Variants in RNF38 observed in about 807,000 individuals in gnomAD.
The protein encoded by RNF38 is ring finger protein 38.
Under a neutral mutation model 67.2 loss-of-function variants are expected in RNF38, and 15 were observed. The ratio of observed to expected loss-of-function variants is 0.22; its 90% CI spans 0.15 to 0.34. The LOEUF is 0.34. Among genes scored for constraint, RNF38 ranks in the 10% least tolerant of loss-of-function variants. The pLI is 1.00. For missense variants in RNF38, 524 were observed against 639.9 expected, an observed-to-expected ratio of 0.82 and a Z score of 1.95; for synonymous variants, 220 against 218.8, an observed-to-expected ratio of 1.01 and a Z score of -0.05.
intron 4 of RNF38, among the ~76,000 whole-genome samples, chr9:36,365,693 C>G (rs1440187102): frequency 1.0e-5 from 1 of 100,386 alleles, no homozygotes; most frequent in East Asian, 3.3e-4. Flanking sequence ...TGAGACGGAG[C>G]CTTGCTCTGT....
chr9:36,481,373 T>C (rs1176819303), intron 1 of RNF38, among the ~76,000 whole-genome samples: 5 of 152,170 alleles, frequency 3.3e-5, no homozygotes, highest in African/African-American at 1.2e-4. Context: ...ATCATTCTAC[T>C]CTTCCACCTG....
rs955176485 is a variant in RNF38, at chr9:36,337,482, C to A, written c.*2270G>T. On this transcript the variant is annotated 3_prime_UTR_variant, in exon 12 of 12. Transcript: ENST00000259605. ...AAGCTGCTACTCCTAGTCATTAGTA[C>A]AATGTGCTGTGTTAATTAGATACCT... 6.6e-6 allele frequency: 1 copy of A among 152,614 alleles called. No homozygotes were observed. The highest frequency in any genetic ancestry group is 2.4e-5 in the African/African-American group (1 of 41,422). 9.5% of individuals were successfully genotyped at this position (152,614 alleles called of 1,614,324 possible). A position where few individuals can be genotyped will look rare whatever the true frequency, so the allele number is the denominator to read the frequency against.
chr9:36,366,938 A>AC (rs779989132), intron 4 of RNF38, among the ~76,000 whole-genome samples: 2 of 152,174 alleles, frequency 1.3e-5, no homozygotes, highest in Admixed American at 6.5e-5. Flanking sequence ...CCCCTGAGGT[A>AC]CCCATTACTT....
intron 3 of RNF38, among the ~76,000 whole-genome samples, chr9:36,374,153 TC>T (rs1290643601): frequency 6.6e-6 from 1 of 152,308 alleles, no homozygotes; most frequent in African/African-American, 2.4e-5. Flanking sequence ...CTAAAAACAT[TC>T]CCATGTAATT....
intron 1 of RNF38, among the ~76,000 whole-genome samples, chr9:36,454,029 G>T (rs1839525018): frequency 6.6e-6 from 1 of 152,082 alleles, no homozygotes; most frequent in East Asian, 1.9e-4. Flanking sequence ...GTACGCATGG[G>T]TTTGTTATAC....
intron 2 of RNF38, among the ~76,000 whole-genome samples, chr9:36,386,784 T>A (rs1182352440): frequency 6.6e-6 from 1 of 152,150 alleles, no homozygotes; most frequent in Non-Finnish European, 1.5e-5. Context: ...CATGGCAATG[T>A]CAGGAAGTTA....
At chr9:36,395,413 A>G (rs368587077) in intron 1 of RNF38, among the ~76,000 whole-genome samples, 2 of 152,152 alleles carry the variant, frequency 1.3e-5, no homozygotes, top group African/African-American at 2.4e-5. Context: ...CTTCTACAAA[A>G]TAAGGTGTTC....
chr9:36,385,522 G>C (rs889847234), intron 2 of RNF38, among the ~76,000 whole-genome samples: 1 of 152,112 alleles, frequency 6.6e-6, no homozygotes, highest in Non-Finnish European at 1.5e-5. Context: ...GGGATTACAG[G>C]CATGTGCCAC....
chr9:36,383,256 CA>C (rs1208839935), intron 2 of RNF38, among the ~76,000 whole-genome samples: 1 of 152,294 alleles, frequency 6.6e-6, no homozygotes, highest in East Asian at 1.9e-4. Context: ...GGCTGGAGTG[CA>C]GTGGCGCGAT....
At chr9:36,403,663 G>T (rs984583015), upstream of RNF38, among the ~76,000 whole-genome samples, 8 of 152,164 alleles carry the variant, frequency 5.3e-5, no homozygotes, top group African/African-American at 1.9e-4. Context: ...GGAAAATGCT[G>T]AAGTTCCTTC....
intron 1 of RNF38, among the ~76,000 whole-genome samples, chr9:36,484,748 A>G (rs924175561): frequency 6.6e-6 from 1 of 152,308 alleles, no homozygotes; most frequent in African/African-American, 2.4e-5. Flanking sequence ...ACGTGAAACG[A>G]TTCTGTAAGA....
intron 2 of RNF38, among the ~76,000 whole-genome samples, chr9:36,389,993 T>C (rs1836947438): frequency 6.6e-6 from 1 of 152,218 alleles, no homozygotes; most frequent in Non-Finnish European, 1.5e-5. Context: ...GTTTTCATTT[T>C]ATATTTAAAA....
chr9:36,394,093 G>A (rs1276683768), intron 1 of RNF38, among the ~76,000 whole-genome samples: 1 of 152,136 alleles, frequency 6.6e-6, no homozygotes, highest in Non-Finnish European at 1.5e-5. Context: ...TGGCCAACAT[G>A]ATGAAACCCC....
At chr9:36,346,216 T>G (rs897003670) in intron 9 of RNF38, among the ~76,000 whole-genome samples, 12 of 151,884 alleles carry the variant, frequency 7.9e-5, no homozygotes, top group Non-Finnish European at 1.5e-5. Context: ...TATTATGCCC[T>G]TTTTTTTGAG....
At chr9:36,436,652 T>C (rs2134281828) in intron 1 of RNF38, among the ~76,000 whole-genome samples, 1 of 151,570 alleles carries the variant, frequency 6.6e-6, no homozygotes, top group African/African-American at 2.4e-5. Context: ...TGAAACCCCT[T>C]CTCTACTAAA....
intron 1 of RNF38, among the ~76,000 whole-genome samples, chr9:36,436,905 A>G (rs1376652543): frequency 6.6e-6 from 1 of 152,022 alleles, no homozygotes; most frequent in African/African-American, 2.4e-5. Flanking sequence ...CATGGCAACC[A>G]GGGTTGGTAA....
At chr9:36,414,421 C>G (rs1350163830) in intron 2 of RNF38, among the ~76,000 whole-genome samples, 1 of 152,078 alleles carries the variant, frequency 6.6e-6, no homozygotes, top group South Asian at 2.1e-4. Context: ...ACTGGGCTCA[C>G]GCCTGTTCAT....
At position 36,436,764 on chromosome 9, in the gene RNF38, G is replaced by A. The variant is rs765038260; in HGVS notation, n.242-12081C>T. ...CGTGGACCCGGGAGGTGGAGCTTGC[G>A]TGAGCCCAGATAGCACCACTGCACT... On this transcript the variant is annotated intron_variant and non_coding_transcript_variant, in intron 1 of 3. Transcript: ENST00000488058. 1.1e-4 allele frequency among the ~76,000 whole-genome samples: 17 copies of A among 147,968 alleles called. 1 individual carries two copies. Among genetic ancestry groups the A allele is most frequent in the Admixed American group, 4.8e-4 (7 of 14,588 alleles).
intron 2 of RNF38, among the ~76,000 whole-genome samples, chr9:36,381,126 G>T (rs1039155165): frequency 6.6e-6 from 1 of 152,070 alleles, no homozygotes; most frequent in Non-Finnish European, 1.5e-5. Context: ...CCCTATTTGG[G>T]GTTCAGATTT....
Sources: allele counts gnomAD v4.1 joint callset (sites outside exome capture counted in the v4.1 genomes callset), GRCh38; gene constraint gnomAD v4.1.1; transcripts MANE v1.5; gene names NCBI Gene and HGNC (gene_info 2026-07-23, HGNC 2026-07-21).